Variants in AMPH observed in about 807,000 individuals in gnomAD.
AMPH encodes amphiphysin.
Under a neutral mutation model 99.1 loss-of-function variants are expected in AMPH, and 49 were observed. The observed-to-expected ratio is 0.49, with a 90% CI of 0.39 to 0.63. The LOEUF (loss-of-function observed/expected upper bound fraction) is 0.63, where lower values mean the gene tolerates loss of function less well. Ranked by LOEUF, AMPH falls within the 20% of genes least tolerant of loss-of-function variation. The pLI, the probability that AMPH is intolerant of heterozygous loss-of-function variation, is 0.00. For missense variants in AMPH, 759 were observed against 863.4 expected (o/e 0.88, Z 1.52); for synonymous variants, 314 against 317.3 (o/e 0.99, Z 0.11).
chr7:38,497,665 C>T (rs532150465), intron 3 of AMPH, among the ~76,000 whole-genome samples: 1 of 152,302 alleles, frequency 6.6e-6, no homozygotes, highest in East Asian at 1.9e-4. Flanking sequence ...ATTAAAAGAA[C>T]GTCTAAAATA....
intron 16 of AMPH, among the ~76,000 whole-genome samples, chr7:38,421,477 T>A (rs1785579976): frequency 6.6e-6 from 1 of 152,248 alleles, no homozygotes; most frequent in Non-Finnish European, 1.5e-5. Flanking sequence ...AGACTCTGCC[T>A]TTCAGCTGGT....
rs1036437556 is a variant in AMPH at position 38,470,397 on chromosome 7, G to A, written c.591-4149C>T. Among the ~76,000 whole-genome samples the A allele has an allele frequency of 6.6e-5, 10 of 151,974 alleles. No individual in the cohort carries two copies. In the South Asian group the frequency reaches 8.3e-4, roughly 13 times the overall value. ...AACATCTACTGAAACCCCTCTGGACGTTTACCAAAGGTGATGCCTCTTTAG... is the reference window on the plus strand; with the variant it reads ...AACATCTACTGAAACCCCTCTGGACATTTACCAAAGGTGATGCCTCTTTAG... On this transcript the variant is annotated intron_variant, in intron 7 of 20. Coordinates refer to ENST00000356264, the MANE Select transcript of AMPH (RefSeq NM_001635.4).
chr7:38,565,078 C>CG (rs1791686919), intron 1 of AMPH, among the ~76,000 whole-genome samples: 1 of 148,858 alleles, frequency 6.7e-6, no homozygotes, highest in Non-Finnish European at 1.5e-5. Flanking sequence ...GAGCCGAGAT[C>CG]GTGCCACTGC....
chr7:38,550,494 G>A (rs1791143849), intron 1 of AMPH, among the ~76,000 whole-genome samples: 1 of 152,154 alleles, frequency 6.6e-6, no homozygotes, highest in Admixed American at 6.5e-5. Context: ...ACAAATGCTG[G>A]TTATTAAAAT....
At chr7:38,442,268 C>T (rs1786585768) in intron 11 of AMPH, among the ~76,000 whole-genome samples, 1 of 152,062 alleles carries the variant, frequency 6.6e-6, no homozygotes, top group Non-Finnish European at 1.5e-5. Flanking sequence ...TAAAAACTTG[C>T]CCTGTTAAAG....
rs532054967 is a variant in AMPH, at chr7:38,429,985, A to G, written c.1159-120T>C. On this transcript the variant is annotated intron_variant, in intron 13 of 20. Transcript: ENST00000356264. ...AGGCTATAGCTTTTACTGGTTTAGG[A>G]ACAAATTTTACAACTTGTTTTGTGA... 20 of 944,172 alleles carry G rather than the reference A, an allele frequency of 2.1e-5. 1 individual carries two copies. In the African/African-American group the frequency reaches 2.4e-4, roughly 11 times the overall value. 58.5% of individuals were successfully genotyped at this position (944,172 alleles called of 1,614,324 possible). A position where few individuals can be genotyped will look rare whatever the true frequency, so the allele number is the denominator to read the frequency against.
intron 1 of AMPH, among the ~76,000 whole-genome samples, chr7:38,569,789 G>C (rs563609136): frequency 6.6e-6 from 1 of 152,210 alleles, no homozygotes; most frequent in South Asian, 2.1e-4. Flanking sequence ...CACAGCCTTA[G>C]AGGCAATAAA....
At chr7:38,496,008 C>T (rs1259640590) in intron 3 of AMPH, among the ~76,000 whole-genome samples, 2 of 152,180 alleles carry the variant, frequency 1.3e-5, no homozygotes, top group Non-Finnish European at 1.5e-5. Context: ...AAGACTCTCC[C>T]CGACAGCCGG....
Position 38,465,501 on chromosome 7 carries a change from C to T in AMPH, c.715G>A (p.Ala239Thr), listed in dbSNP as rs867699717. Residue 239 changes from alanine (A) to threonine (T), a missense_variant, in exon 9 of 21, where the codon GCC (alanine) becomes ACC (threonine). Physicochemically the swap from Ala to Thr is moderately conservative, Grantham distance 58 (BLOSUM62 0). Around this residue, in one of 2 missense-constraint regions of AMPH, gnomAD observed 554 missense variants for 575.6 expected, o/e 0.96. Transcript: ENST00000356264. Reference protein sequence around the residue: ...EVMTKLGDQHADKAFTIQGAP... With the variant: ...EVMTKLGDQHTDKAFTIQGAP... ...CCTTGGATGGTGAAGGCCTTGTCGGCGTGCTGGTCACCCAGTTTTGTCATC... is the reference window on the plus strand; with the variant it reads ...CCTTGGATGGTGAAGGCCTTGTCGGTGTGCTGGTCACCCAGTTTTGTCATC... The T allele has an allele frequency of 3.2e-6, 5 of 1,585,122 alleles. No homozygotes were observed. The highest frequency in any genetic ancestry group is 1.3e-5 in the African/African-American group (1 of 74,680).
At chr7:38,624,959 G>A (rs1356772511) in intron 1 of AMPH, among the ~76,000 whole-genome samples, 1 of 151,924 alleles carries the variant, frequency 6.6e-6, no homozygotes, top group Non-Finnish European at 1.5e-5. Context: ...AAAAAAAAAA[G>A]TGTGCCTATA....
At chr7:38,614,881 A>G (rs1039004638) in intron 1 of AMPH, among the ~76,000 whole-genome samples, 9 of 152,174 alleles carry the variant, frequency 5.9e-5, no homozygotes, top group African/African-American at 1.2e-4. Flanking sequence ...CCACTTTAGG[A>G]AAGTCCAGTA....
At chr7:38,489,792 G>A (rs1788652207) in intron 5 of AMPH, among the ~76,000 whole-genome samples, 1 of 151,956 alleles carries the variant, frequency 6.6e-6, no homozygotes. Flanking sequence ...GGTTGCCAAG[G>A]GCTAGAGAGA....
At chr7:38,506,431 G>A (rs7795135) in intron 2 of AMPH, among the ~76,000 whole-genome samples, 10,014 of 152,234 alleles carry the variant, frequency 0.066, 533 homozygotes, top group East Asian at 0.25. Context: ...GTCAAGCAAC[G>A]GAAAGAGATA....
rs183507822 is a variant in AMPH, at chr7:38,618,575, C to T, written c.69+12708G>A. ...TGTTGACGAACATAAAATATATAAA[C>T]ATGTAAGGTGTTTGACAATCACAAT... is the stretch of plus-strand genomic sequence containing the variant. On this transcript the variant is annotated intron_variant, in intron 1 of 20. Transcript: ENST00000356264. Among the ~76,000 whole-genome samples, 40 of 151,794 alleles carry T rather than the reference C, an allele frequency of 2.6e-4. 1 individual carries two copies. Among genetic ancestry groups the T allele is most frequent in the Admixed American group, 2.4e-3 (36 of 15,250 alleles).
intron 1 of AMPH, 44 bp from the exon 2 acceptor site, chr7:38,535,055 T>C: frequency 4.5e-6 from 7 of 1,552,290 alleles, no homozygotes; most frequent in Non-Finnish European, 5.3e-6. Context: ...AATAATGTTT[T>C]CAAAGAAAGA....
chr7:38,510,500 A>C (rs1314856218), intron 2 of AMPH, among the ~76,000 whole-genome samples: 5 of 152,196 alleles, frequency 3.3e-5, no homozygotes, highest in African/African-American at 4.8e-5. Context: ...CTGAGTGGCC[A>C]CTTTGATCCA....
chr7:38,610,246 A>G lies in AMPH; in HGVS notation c.69+21037T>C, dbSNP rs1408669798. Among the ~76,000 whole-genome samples, 41 of 17,498 alleles carry G rather than the reference A, an allele frequency of 2.3e-3. 7 individuals carry two copies. The highest frequency in any genetic ancestry group is 3.4e-3 in the Non-Finnish European group (28 of 8,126). 11.5% of individuals were successfully genotyped at this position (17,498 alleles called of 152,430 possible). ...AGCTAAGCTCTCTCAAAAAAAAAAA[A>G]AAAAAAAAAAAAAAAAAGAAAGAAA... On this transcript the variant is annotated intron_variant, in intron 1 of 20. Coordinates refer to ENST00000356264, the MANE Select transcript of AMPH (RefSeq NM_001635.4).
At chr7:38,397,830 A>G (rs952037887) in intron 17 of AMPH, among the ~76,000 whole-genome samples, 3 of 152,200 alleles carry the variant, frequency 2.0e-5, no homozygotes, top group Admixed American at 6.5e-5. Context: ...AATAATTCCA[A>G]TTAAAAAATG....
chr7:38,529,809 G>C (rs1195582038), intron 2 of AMPH, among the ~76,000 whole-genome samples: 1 of 152,170 alleles, frequency 6.6e-6, no homozygotes, highest in Non-Finnish European at 1.5e-5. Flanking sequence ...AAAAACAAAT[G>C]TTCTAAGGTA....
Sources: gnomAD v4.1 joint callset for allele counts (sites outside exome capture counted in the v4.1 genomes callset) on GRCh38, gnomAD v4.1.1 for gene constraint, gnomAD v4.1.1 regional missense constraint, MANE v1.5 for transcripts, NCBI Gene and HGNC (gene_info 2026-07-23, HGNC 2026-07-21) for gene names.